TBC1D32: variants seen among roughly 807,000 people sequenced by gnomAD.
The protein encoded by TBC1D32 is TBC1 domain family member 32.
A neutral mutation model predicts 170.3 loss-of-function variants in TBC1D32; 151 were observed. The ratio of observed to expected loss-of-function variants is 0.89; its 90% CI spans 0.78 to 1.01. The LOEUF (loss-of-function observed/expected upper bound fraction) is 1.01, where lower values mean the gene tolerates loss of function less well. Among genes scored for constraint, TBC1D32 ranks in the 50% least tolerant of loss-of-function variants. The pLI is 0.00. For missense variants in TBC1D32, 1,464 were observed against 1,457.1 expected, an observed-to-expected ratio of 1.00 and a Z score of -0.08; for synonymous variants, 498 against 488.0, an observed-to-expected ratio of 1.02 and a Z score of -0.27.
At chr6:121,140,259 T>G (rs1001024989) in intron 24 of TBC1D32, among the ~76,000 whole-genome samples, 4 of 151,900 alleles carry the variant, frequency 2.6e-5, no homozygotes, top group Non-Finnish European at 5.9e-5. Context: ...CGCTTCTGTT[T>G]TATATAATAT....
chr6:121,115,227 C>A lies in TBC1D32; in HGVS notation c.2998G>T (p.Val1000Leu). 3 of 1,598,758 alleles carry A rather than the reference C, an allele frequency of 1.9e-6. No individual in the cohort carries two copies. The highest frequency in any genetic ancestry group is 2.6e-6 in the Non-Finnish European group (3 of 1,170,814). The change falls in exon 27 of 32, where the codon GTG becomes TTG. Residue 1000 changes from valine to leucine, a missense_variant. This residue lies in a region of TBC1D32 where 1,363 missense variants were observed against 1,338.1 expected (regional missense o/e 1.02). Transcript: ENST00000398212. The part of the protein sequence containing the change: ...SVEYTATDAN[V>L]KNESLSSVQQ... ...ACAGATGAAAGACTTTCATTCTTCA[C>A]ATTTGCATCAGTAGCTAAAGACAAC...
Position 121,079,539 on chromosome 6 carries a change from G to A in TBC1D32, c.*1232C>T, listed in dbSNP as rs1347207510. The A allele has an allele frequency of 1.3e-5, 2 of 151,670 alleles. No homozygotes were observed. Among genetic ancestry groups the A allele is most frequent in the Admixed American group, 6.6e-5 (1 of 15,212 alleles). The allele number at this position is 151,670 out of a possible 1,614,324, so 9.4% of individuals were successfully genotyped here. A position where few individuals can be genotyped will look rare whatever the true frequency, so the allele number is the denominator to read the frequency against. ...ATGGTTGATTTATATTTAGATACAAGGAAAGAATAAAAAACAGTATCTACA... is the reference window on the plus strand; with the variant it reads ...ATGGTTGATTTATATTTAGATACAAAGAAAGAATAAAAAACAGTATCTACA... On this transcript the variant is annotated 3_prime_UTR_variant, in exon 32 of 32. Transcript: ENST00000398212.
chr6:121,223,472 T>C, intron 20 of TBC1D32, 120 bp from the exon 21 acceptor site: 1 of 700,172 alleles, frequency 1.4e-6, no homozygotes, highest in Non-Finnish European at 2.5e-6. Context: ...ATATACCTAA[T>C]TCCCATACGT....
At chr6:121,235,325 C>T (rs1303072559) in intron 20 of TBC1D32, among the ~76,000 whole-genome samples, 2 of 152,080 alleles carry the variant, frequency 1.3e-5, no homozygotes, top group African/African-American at 2.4e-5. Context: ...AGATTATGAC[C>T]TTTGTCTTCA....
intron 29 of TBC1D32, 98 bp from the exon 30 acceptor site, chr6:121,106,261 T>A: frequency 2.8e-6 from 2 of 710,636 alleles, no homozygotes; most frequent in Non-Finnish European, 3.8e-6. Flanking sequence ...CCTTTTGCTG[T>A]AAATTGCTGC....
At chr6:121,253,714 G>A (rs1473691642) in intron 17 of TBC1D32, among the ~76,000 whole-genome samples, 2 of 151,696 alleles carry the variant, frequency 1.3e-5, no homozygotes, top group Admixed American at 6.6e-5. Flanking sequence ...GCGAGATTCC[G>A]TCTCAAAAAA....
At chr6:121,192,053 A>ATATATATATATATATATAT (rs1158179800) in intron 22 of TBC1D32, among the ~76,000 whole-genome samples, 10 of 59,672 alleles carry the variant, frequency 1.7e-4, no homozygotes, top group East Asian at 7.7e-4. Context: ...GTTAATACTT[A>ATATATATATATATATATAT]ATAAACTACC....
chr6:121,093,904 AT>A (rs947418285), intron 30 of TBC1D32, among the ~76,000 whole-genome samples: 11 of 152,118 alleles, frequency 7.2e-5, no homozygotes, highest in African/African-American at 1.7e-4. Flanking sequence ...TTTAACAAAT[AT>A]TTTTTGACCA....
intron 15 of TBC1D32, among the ~76,000 whole-genome samples, chr6:121,272,095 C>A (rs1237459640): frequency 1.3e-5 from 2 of 152,096 alleles, no homozygotes; most frequent in Non-Finnish European, 2.9e-5. Flanking sequence ...ACACCTTATA[C>A]AAAAATTAAT....
At chr6:121,292,216 A>G (rs376306866) in intron 11 of TBC1D32, 23 bp from the exon 12 acceptor site, 16 of 1,565,464 alleles carry the variant, frequency 1.0e-5, no homozygotes, top group African/African-American at 5.5e-5. Flanking sequence ...GCAAACACGA[A>G]TATTTATTTA....
At chr6:121,282,338 T>G (rs1803135371) in intron 13 of TBC1D32, among the ~76,000 whole-genome samples, 1 of 151,726 alleles carries the variant, frequency 6.6e-6, no homozygotes, top group African/African-American at 2.4e-5. Context: ...ATTGACAAAT[T>G]TTCAGATATA....
At chr6:121,102,898 G>A (rs1216321870) in intron 30 of TBC1D32, among the ~76,000 whole-genome samples, 1 of 151,812 alleles carries the variant, frequency 6.6e-6, no homozygotes, top group Admixed American at 6.6e-5. Context: ...TACAAGAAAA[G>A]AACAAATAAC....
At chr6:121,098,093 G>A (rs1195083211) in intron 30 of TBC1D32, among the ~76,000 whole-genome samples, 1 of 151,806 alleles carries the variant, frequency 6.6e-6, no homozygotes, top group Non-Finnish European at 1.5e-5. Context: ...AATACCTAAT[G>A]TAGATGATGG....
intron 22 of TBC1D32, among the ~76,000 whole-genome samples, chr6:121,196,120 G>A (rs192326581): frequency 2.0e-5 from 3 of 152,290 alleles, no homozygotes; most frequent in African/African-American, 7.2e-5. Flanking sequence ...CAGCAGAGGA[G>A]GATTTTAATA....
Position 121,242,221 on chromosome 6 carries a change from G to A in TBC1D32, c.2137C>T (p.Arg713Ter), listed in dbSNP as rs768618779. 5.1e-5 allele frequency: 82 copies of A among 1,609,746 alleles called. No individual in the cohort carries two copies. The highest frequency in any genetic ancestry group is 6.5e-5 in the Non-Finnish European group (77 of 1,178,478). ...INECVTFIFN[R>*]YAKKLQVSRH... ...CATACCTGTAATTTTTTTGCATATC[G>A]ATTGAATATAAATGTCACACATTCA... Residue 713 changes from arginine (R) to a stop codon, truncating the protein, a stop_gained, in exon 18 of 32, where the codon CGA (arginine) becomes TGA (stop). Coordinates refer to ENST00000398212, the MANE Select transcript of TBC1D32 (RefSeq NM_152730.6). LOFTEE classifies it high-confidence loss of function.
chr6:121,253,193 C>G (rs1798518228), intron 17 of TBC1D32, among the ~76,000 whole-genome samples: 1 of 152,048 alleles, frequency 6.6e-6, no homozygotes, highest in Admixed American at 6.5e-5. Context: ...TATTCACAAA[C>G]TATGCAATGT....
At chr6:121,171,007 C>T (rs1039148168) in intron 22 of TBC1D32, among the ~76,000 whole-genome samples, 7 of 151,946 alleles carry the variant, frequency 4.6e-5, no homozygotes, top group Non-Finnish European at 8.8e-5. Flanking sequence ...GCCCACTTAT[C>T]TATCTTAATA....
chr6:121,180,217 T>C (rs1351596709), intron 22 of TBC1D32, among the ~76,000 whole-genome samples: 1 of 152,122 alleles, frequency 6.6e-6, no homozygotes, highest in African/African-American at 2.4e-5. Context: ...AGCGACTTGG[T>C]TTATGTGATA....
rs573652533 is a variant in TBC1D32, at chr6:121,214,577, C to T, written c.2481+8659G>A. On this transcript the variant is annotated intron_variant, in intron 21 of 31. Coordinates refer to ENST00000398212, the MANE Select transcript of TBC1D32 (RefSeq NM_152730.6). ...GGCATAAAGCAAGCAGCTTCTACTACGGGCACCAGGGAACACAGCAGGGCC... is the reference window on the plus strand; with the variant it reads ...GGCATAAAGCAAGCAGCTTCTACTATGGGCACCAGGGAACACAGCAGGGCC... 1.2e-4 allele frequency among the ~76,000 whole-genome samples: 18 copies of T among 152,262 alleles called. No individual in the cohort carries two copies. The Middle Eastern group carries it at 0.01, about 86-fold the overall frequency.
Sources: gnomAD v4.1 joint callset for allele counts (sites outside exome capture counted in the v4.1 genomes callset) on GRCh38, gnomAD v4.1.1 for gene constraint, gnomAD v4.1.1 regional missense constraint, MANE v1.5 for transcripts, NCBI Gene and HGNC (gene_info 2026-07-23, HGNC 2026-07-21) for gene names.